Variants in CNTN4 observed in about 807,000 individuals in gnomAD.
CNTN4 encodes the protein contactin 4, also known as contactin-4.
CNTN4 carries 77 observed loss-of-function variants against 122.5 expected under a neutral mutation model. The observed-to-expected ratio is 0.63, with a 90% CI of 0.52 to 0.76. The LOEUF (loss-of-function observed/expected upper bound fraction) is 0.76, where lower values mean the gene tolerates loss of function less well. Ranked by LOEUF, CNTN4 falls within the 30% of genes least tolerant of loss-of-function variation. CNTN4 has a pLI of 0.00. For missense variants in CNTN4, 1,256 were observed against 1,259.1 expected, an observed-to-expected ratio of 1.00 and a Z score of 0.04; for synonymous variants, 512 against 447.0, an observed-to-expected ratio of 1.15 and a Z score of -1.83.
chr3:2,540,753 G>A (rs1040294723), intron 3 of CNTN4, among the ~76,000 whole-genome samples: 9 of 152,164 alleles, frequency 5.9e-5, no homozygotes, highest in Non-Finnish European at 8.8e-5. Context: ...AATGCTTTAT[G>A]TATTTTATTT....
At chr3:2,649,057 A>G (rs2083253486) in intron 4 of CNTN4, among the ~76,000 whole-genome samples, 1 of 152,202 alleles carries the variant, frequency 6.6e-6, no homozygotes, top group South Asian at 2.1e-4. Flanking sequence ...AGAGGCCTGG[A>G]AGCTGCAGAA....
intron 7 of CNTN4, among the ~76,000 whole-genome samples, chr3:2,856,851 A>G (rs1214322215): frequency 6.6e-6 from 1 of 152,202 alleles, no homozygotes; most frequent in Admixed American, 6.5e-5. Flanking sequence ...AGCTGGATGC[A>G]TTTTACTTTA....
chr3:2,862,873 A>G (rs966306784), intron 7 of CNTN4, among the ~76,000 whole-genome samples: 1 of 152,160 alleles, frequency 6.6e-6, no homozygotes, highest in African/African-American at 2.4e-5. Context: ...GGAAATCTCA[A>G]TTGTATATTG....
At chr3:2,831,190 A>G (rs990814499) in intron 7 of CNTN4, among the ~76,000 whole-genome samples, 1 of 152,214 alleles carries the variant, frequency 6.6e-6, no homozygotes, top group African/African-American at 2.4e-5. Flanking sequence ...GGCATTTTGT[A>G]TGAGGGTAGG....
intron 13 of CNTN4, among the ~76,000 whole-genome samples, chr3:2,982,259 G>A (rs985327560): frequency 1.3e-5 from 2 of 152,204 alleles, no homozygotes; most frequent in Middle Eastern, 3.4e-3. Context: ...CAGTCATCAC[G>A]GAATCATCTT....
intron 4 of CNTN4, among the ~76,000 whole-genome samples, chr3:2,732,537 G>A (rs2088773398): frequency 6.6e-6 from 1 of 151,790 alleles, no homozygotes; most frequent in South Asian, 2.1e-4. Flanking sequence ...TATCTTCTAG[G>A]CTTTGAAAAC....
intron 7 of CNTN4, among the ~76,000 whole-genome samples, chr3:2,847,813 T>C (rs902535699): frequency 6.6e-6 from 1 of 152,232 alleles, no homozygotes; most frequent in African/African-American, 2.4e-5. Context: ...AGAGATACTC[T>C]TAGGGAATGC....
chr3:2,618,801 T>C (rs2149902019), intron 4 of CNTN4, among the ~76,000 whole-genome samples: 1 of 152,346 alleles, frequency 6.6e-6, no homozygotes, highest in South Asian at 2.1e-4. Flanking sequence ...AATAAAACAA[T>C]TTGTGTCTGC....
chr3:2,981,944 G>A (rs1042053271), intron 13 of CNTN4, among the ~76,000 whole-genome samples: 1 of 151,936 alleles, frequency 6.6e-6, no homozygotes, highest in Non-Finnish European at 1.5e-5. Flanking sequence ...AGGCTGAGGC[G>A]AGAGAATCGC....
chr3:2,395,873 T>C (rs996473052), intron 3 of CNTN4, among the ~76,000 whole-genome samples: 1 of 152,154 alleles, frequency 6.6e-6, no homozygotes, highest in African/African-American at 2.4e-5. Context: ...AAATAATCTT[T>C]AAGATTATCA....
chr3:2,598,157 G>A (rs1157117571), intron 4 of CNTN4, among the ~76,000 whole-genome samples: 1 of 152,212 alleles, frequency 6.6e-6, no homozygotes, highest in Non-Finnish European at 1.5e-5. Context: ...ACTTCCTTTA[G>A]TGACCTCCAG....
chr3:2,865,112 T>C (rs776740235), intron 7 of CNTN4, among the ~76,000 whole-genome samples: 7 of 152,220 alleles, frequency 4.6e-5, no homozygotes, highest in Non-Finnish European at 2.9e-5. Flanking sequence ...AGCACTTGTA[T>C]ATTTACACTG....
chr3:2,373,414 A>G (rs189053289), intron 3 of CNTN4, among the ~76,000 whole-genome samples: 204 of 152,362 alleles, frequency 1.3e-3, no homozygotes, highest in Middle Eastern at 6.8e-3. Context: ...AGTACGTACA[A>G]CTGTGTTGTT....
At chr3:2,740,748 A>G (rs2089413981) in intron 5 of CNTN4, among the ~76,000 whole-genome samples, 1 of 152,242 alleles carries the variant, frequency 6.6e-6, no homozygotes, top group South Asian at 2.1e-4. Context: ...TAGGGTTCTC[A>G]GAAGAAATGG....
chr3:2,491,798 C>T (rs1422801776), intron 3 of CNTN4, among the ~76,000 whole-genome samples: 3 of 152,132 alleles, frequency 2.0e-5, no homozygotes, highest in East Asian at 1.9e-4. Context: ...AACTAGAAAT[C>T]GACATTTTCT....
intron 3 of CNTN4, among the ~76,000 whole-genome samples, chr3:2,382,171 AT>A (rs60838071): frequency 0.14 from 19,170 of 139,458 alleles, 1,706 homozygotes; most frequent in East Asian, 0.39. Context: ...TCCTATCGTG[AT>A]TTTTTTTTTT....
intron 1 of CNTN4, chr3:2,099,683 C>T (rs927007107): frequency 1.3e-5 from 2 of 152,298 alleles, no homozygotes; most frequent in African/African-American, 4.8e-5. Context: ...CCGCGGGAGC[C>T]TGTTGGGTGG....
intron 4 of CNTN4, among the ~76,000 whole-genome samples, chr3:2,606,801 A>G (rs1296482433): frequency 6.6e-6 from 1 of 152,192 alleles, no homozygotes; most frequent in Non-Finnish European, 1.5e-5. Context: ...ATTTCAGTGA[A>G]AGTTTTTCTG....
At chr3:2,307,636 T>C (rs2042764900) in intron 2 of CNTN4, among the ~76,000 whole-genome samples, 1 of 152,152 alleles carries the variant, frequency 6.6e-6, no homozygotes, top group African/African-American at 2.4e-5. Flanking sequence ...GGAAGAGTGT[T>C]GCATTTTTTA....
Sources: allele counts gnomAD v4.1 joint callset (sites outside exome capture counted in the v4.1 genomes callset), GRCh38; gene constraint gnomAD v4.1.1; transcripts MANE v1.5; gene names NCBI Gene and HGNC (gene_info 2026-07-23, HGNC 2026-07-21).